The following JARID2 variants were observed in gnomAD, a reference collection of about 807,000 sequenced individuals.
The protein encoded by JARID2 is jumonji and AT-rich interaction domain containing 2.
Under a neutral mutation model 125.6 loss-of-function variants are expected in JARID2, and 21 were observed. The ratio of observed to expected loss-of-function variants is 0.17; its 90% CI spans 0.12 to 0.24. The LOEUF (loss-of-function observed/expected upper bound fraction) is 0.24, where lower values mean the gene tolerates loss of function less well. Ranked by LOEUF, JARID2 falls within the 10% of genes least tolerant of loss-of-function variation. JARID2 has a pLI of 1.00. For missense variants in JARID2, 1,303 were observed against 1,639.6 expected, an observed-to-expected ratio of 0.79 and a Z score of 3.55; for synonymous variants, 736 against 661.6, an observed-to-expected ratio of 1.11 and a Z score of -1.73.
rs577868872 is a variant in JARID2 at position 15,283,192 on chromosome 6, A to G, written c.45+36608A>G. Reference sequence around the variant, plus strand: ...ACGGGGTTTCACCGTGTTAGCCAGGACGGTCTCGATCTGCCGACCTTGTGA... The same window carrying G: ...ACGGGGTTTCACCGTGTTAGCCAGGGCGGTCTCGATCTGCCGACCTTGTGA... On this transcript the variant is annotated intron_variant, in intron 1 of 17. Coordinates refer to ENST00000341776, the MANE Select transcript of JARID2 (RefSeq NM_004973.4). Among the ~76,000 whole-genome samples the G allele has an allele frequency of 1.8e-4, 26 of 147,462 alleles. No homozygotes were observed. The South Asian group carries it at 3.5e-3, about 20-fold the overall frequency.
intron 3 of JARID2, among the ~76,000 whole-genome samples, chr6:15,416,173 G>T (rs1452545369): frequency 1.3e-5 from 2 of 151,350 alleles, no homozygotes; most frequent in Middle Eastern, 3.4e-3. Context: ...ATGGGATGGC[G>T]GCCGGGCAGA....
intron 3 of JARID2, among the ~76,000 whole-genome samples, chr6:15,440,161 T>C (rs537692836): frequency 6.6e-6 from 1 of 152,372 alleles, no homozygotes; most frequent in Middle Eastern, 3.4e-3. Context: ...TGAACATGTA[T>C]GTCCTGCAGA....
intron 3 of JARID2, among the ~76,000 whole-genome samples, chr6:15,424,570 A>G (rs1317593546): frequency 1.3e-5 from 2 of 152,138 alleles, no homozygotes; most frequent in African/African-American, 4.8e-5. Flanking sequence ...ATAACAGCAA[A>G]CACTTGGCCA....
At chr6:15,379,245 G>T (rs1764487997) in intron 2 of JARID2, among the ~76,000 whole-genome samples, 2 of 152,022 alleles carry the variant, frequency 1.3e-5, no homozygotes, top group African/African-American at 4.8e-5. Flanking sequence ...TGTAGCAACT[G>T]ATGCCATCGT....
rs535954426 is a variant in JARID2, at chr6:15,443,600, T to G, written c.324-8406T>G. ...GAAATCTTTAGCAATACTGACAGTT[T>G]GGAGATTTAGATTTTACTTCTCCAA... is the stretch of plus-strand genomic sequence containing the variant. On this transcript the variant is annotated intron_variant, in intron 3 of 17. Transcript: ENST00000341776. Among the ~76,000 whole-genome samples the G allele has an allele frequency of 1.1e-4, 17 of 152,306 alleles. No homozygotes were observed. In the East Asian group the frequency reaches 3.3e-3, roughly 29 times the overall value.
At chr6:15,400,967 T>A (rs1170544416) in intron 2 of JARID2, 2 of 1,289,350 alleles carry the variant, frequency 1.6e-6, no homozygotes, top group Non-Finnish European at 2.0e-6. Flanking sequence ...GCTCCACGGG[T>A]CTGTCAGGTG....
At chr6:15,270,821 A>G (rs1309912695) in intron 1 of JARID2, among the ~76,000 whole-genome samples, 1 of 151,988 alleles carries the variant, frequency 6.6e-6, no homozygotes, top group Non-Finnish European at 1.5e-5. Context: ...CACACCTGTA[A>G]TCCCAGGTAC....
chr6:15,354,739 G>T (rs1402112891), intron 1 of JARID2, among the ~76,000 whole-genome samples: 1 of 152,156 alleles, frequency 6.6e-6, no homozygotes, highest in Non-Finnish European at 1.5e-5. Flanking sequence ...CACATGACTG[G>T]TGAAATTCAG....
intron 2 of JARID2, among the ~76,000 whole-genome samples, chr6:15,392,461 G>A (rs78594513): frequency 6.6e-6 from 1 of 152,072 alleles, no homozygotes; most frequent in Non-Finnish European, 1.5e-5. Flanking sequence ...TATGGGGGAG[G>A]TGGTGAGGAG....
In JARID2 at chr6:15,511,341, C is replaced by T. The variant is rs1280264258; in HGVS notation, c.2892C>T (p.Val964=). ...AEEENKLEDV[V]HTLLQANGTP... ...AGGAGAACAAGCTGGAAGATGTGGT[C>T]CACACCCTGCTGCAAGCCAATGGCA... The change falls in exon 13 of 18, where the codon GTC becomes GTT. Residue 964 remains valine, a synonymous_variant. Transcript: ENST00000341776. 1.2e-6 allele frequency: 2 copies of T among 1,613,958 alleles called. No homozygotes were observed. Among genetic ancestry groups the T allele is most frequent in the East Asian group, 4.5e-5 (2 of 44,882 alleles).
At chr6:15,339,943 A>G (rs1376167624) in intron 1 of JARID2, among the ~76,000 whole-genome samples, 2 of 151,846 alleles carry the variant, frequency 1.3e-5, no homozygotes, top group Admixed American at 6.6e-5. Context: ...TTCACTTCTT[A>G]TCTCTATGAT....
chr6:15,381,741 G>A (rs2127528477), intron 2 of JARID2, among the ~76,000 whole-genome samples: 1 of 152,252 alleles, frequency 6.6e-6, no homozygotes, highest in South Asian at 2.1e-4. Context: ...TATGTGGGAG[G>A]CATTGTGGGT....
At chr6:15,478,280 A>G (rs1244945238) in intron 5 of JARID2, among the ~76,000 whole-genome samples, 1 of 152,056 alleles carries the variant, frequency 6.6e-6, no homozygotes, top group Non-Finnish European at 1.5e-5. Context: ...AGCCTCTTTA[A>G]GCTTTAGTTT....
chr6:15,306,490 C>A (rs942997691), intron 1 of JARID2, among the ~76,000 whole-genome samples: 1 of 151,720 alleles, frequency 6.6e-6, no homozygotes, highest in Admixed American at 6.6e-5. Flanking sequence ...GCCTGCCACA[C>A]GCCCAGCTAA....
At chr6:15,511,236 G>GT in intron 12 of JARID2, 60 bp from the exon 13 acceptor site, 1 of 1,180,970 alleles carries the variant, frequency 8.5e-7, no homozygotes, top group Non-Finnish European at 1.3e-6. Flanking sequence ...GGGTGGCCCA[G>GT]TACATGCAGG....
chr6:15,410,373 C>G lies in JARID2; in HGVS notation c.323+8C>G. ...AGGGCCGTCGAGGAAAAGGTTAGTA[C>G]CCAAGGCTGAAAATATTGGTACCTT... On this transcript the variant is annotated splice_region_variant and intron_variant, in intron 3 of 17. Transcript: ENST00000341776. The G allele has an allele frequency of 6.2e-7, 1 of 1,612,988 alleles. No homozygotes were observed. The highest frequency in any genetic ancestry group is 8.5e-7 in the Non-Finnish European group (1 of 1,179,142).
intron 1 of JARID2, among the ~76,000 whole-genome samples, chr6:15,264,289 G>C (rs1759996014): frequency 6.6e-6 from 1 of 152,132 alleles, no homozygotes; most frequent in Non-Finnish European, 1.5e-5. Context: ...TCAGTATTTG[G>C]AATCTTGTTT....
intron 2 of JARID2, among the ~76,000 whole-genome samples, chr6:15,396,346 C>T (rs574255106): frequency 6.6e-6 from 1 of 152,240 alleles, no homozygotes; most frequent in African/African-American, 2.4e-5. Flanking sequence ...TCCTTATTTC[C>T]GTTTAACAGG....
At chr6:15,483,359 A>G (rs984876916) in intron 5 of JARID2, among the ~76,000 whole-genome samples, 5 of 149,978 alleles carry the variant, frequency 3.3e-5, no homozygotes, top group African/African-American at 1.2e-4. Flanking sequence ...GTATGACTTT[A>G]TCAAGGTCAT....
Sources: allele counts gnomAD v4.1 joint callset (sites outside exome capture counted in the v4.1 genomes callset), GRCh38; gene constraint gnomAD v4.1.1; transcripts MANE v1.5; gene names NCBI Gene and HGNC (gene_info 2026-07-23, HGNC 2026-07-21).